The following TUT7 variants were observed in gnomAD, a reference collection of about 807,000 sequenced individuals.
The protein encoded by TUT7 is terminal uridylyltransferase 7.
Under a neutral mutation model 165.9 loss-of-function variants are expected in TUT7, and 33 were observed. The ratio of observed to expected loss-of-function variants is 0.20; its 90% confidence interval spans 0.15 to 0.27. The LOEUF (loss-of-function observed/expected upper bound fraction) is 0.27, where lower values mean the gene tolerates loss of function less well. TUT7 is among the 10% of genes least tolerant of loss of function. The pLI is 1.00. For synonymous variants in TUT7, 552 were observed against 608.1 expected (o/e 0.91, Z 1.36); for missense variants, 1,338 against 1,762.3 (o/e 0.76, Z 4.31).
chr9:86,329,536 A>T (rs1480972981), intron 10 of TUT7, among the ~76,000 whole-genome samples: 1 of 148,092 alleles, frequency 6.8e-6, no homozygotes, highest in African/African-American at 2.5e-5. Flanking sequence ...AAAAAAAAAA[A>T]CAAAACAAAA....
rs1489859325 is a variant in TUT7 at position 86,325,817 on chromosome 9, G to A, written c.1609-303C>T. Among the ~76,000 whole-genome samples the A allele has an allele frequency of 2.0e-5, 3 of 152,320 alleles. No homozygotes were observed. In the East Asian group the frequency reaches 5.8e-4, roughly 29 times the overall value. On this transcript the variant is annotated intron_variant, in intron 11 of 26. Transcript: ENST00000375963. ...TTGAACTGTTAATAACAGGTGGAGAGGACTGTGCATGGGTTGCTAATATTC... is the reference window on the plus strand; with the variant it reads ...TTGAACTGTTAATAACAGGTGGAGAAGACTGTGCATGGGTTGCTAATATTC...
At chr9:86,337,666 T>C (rs576937686) in intron 9 of TUT7, 128 bp from the exon 10 acceptor site, 1 of 1,150,364 alleles carries the variant, frequency 8.7e-7, no homozygotes, top group African/African-American at 1.6e-5. Context: ...CAGCTGAAAA[T>C]AGCAGTTACA....
intron 10 of TUT7, among the ~76,000 whole-genome samples, chr9:86,335,080 C>T (rs1830650715): frequency 1.3e-5 from 2 of 152,186 alleles, no homozygotes; most frequent in South Asian, 4.1e-4. Context: ...TGGAACTTGA[C>T]TTTCTACTGA....
In TUT7 at chr9:86,291,905, T is replaced by C. The variant is rs577061455; in HGVS notation, c.4421-3161A>G. On this transcript the variant is annotated intron_variant, in intron 26 of 26. Transcript: ENST00000375963. The stretch of plus-strand genomic sequence containing the variant: ...GGGACTTCCACAAGGATGTTCACTA[T>C]AGCACTGTTAATAACAGCAGAATAT... Among the ~76,000 whole-genome samples, 240 of 152,298 alleles carry C rather than the reference T, an allele frequency of 1.6e-3. 1 individual carries two copies. The highest frequency in any genetic ancestry group is 5.4e-3 in the African/African-American group (226 of 41,558).
intron 2 of TUT7, among the ~76,000 whole-genome samples, chr9:86,352,256 T>A (rs1473767759): frequency 6.7e-6 from 1 of 148,828 alleles, no homozygotes; most frequent in African/African-American, 2.5e-5. Flanking sequence ...AACAAATAAG[T>A]TTTTTTTTTA....
At chr9:86,325,244 C>A in intron 12 of TUT7, 90 bp downstream of exon 12, 1 of 1,284,326 alleles carries the variant, frequency 7.8e-7, no homozygotes. Context: ...CTTGTAGGAG[C>A]TGAAAAGAGA....
chr9:86,346,027 C>T (rs983146610), intron 3 of TUT7, among the ~76,000 whole-genome samples: 2 of 152,178 alleles, frequency 1.3e-5, no homozygotes, highest in Non-Finnish European at 2.9e-5. Flanking sequence ...ACTGGGGCTA[C>T]AGGCATGCCA....
intron 20 of TUT7, 84 bp downstream of exon 20, chr9:86,309,379 C>T: frequency 2.8e-6 from 4 of 1,447,402 alleles, no homozygotes; most frequent in Non-Finnish European, 9.5e-7. Context: ...AAATTAACTA[C>T]AGAACCACAG....
At chr9:86,309,184 G>A (rs1170655402) in intron 21 of TUT7, 28 bp downstream of exon 21, 1 of 1,435,840 alleles carries the variant, frequency 7.0e-7, no homozygotes, top group East Asian at 2.3e-5. Context: ...CAAGGATATA[G>A]GAAAATCTTT....
At chr9:86,308,082 A>G (rs1433847869) in intron 22 of TUT7, among the ~76,000 whole-genome samples, 2 of 152,222 alleles carry the variant, frequency 1.3e-5, no homozygotes, top group African/African-American at 4.8e-5. Context: ...GGTGAACTCC[A>G]TCAATAGCGA....
At chr9:86,318,652 T>A (rs890714270) in intron 16 of TUT7, among the ~76,000 whole-genome samples, 1 of 152,220 alleles carries the variant, frequency 6.6e-6, no homozygotes, top group Non-Finnish European at 1.5e-5. Flanking sequence ...TATGTGAGTG[T>A]GTGATCCAAG....
chr9:86,322,081 T>G (rs1219003576), intron 14 of TUT7, among the ~76,000 whole-genome samples: 1 of 151,850 alleles, frequency 6.6e-6, no homozygotes, highest in African/African-American at 2.4e-5. Context: ...GTCTCAAAAT[T>G]TAAAAAAAAA....
At chr9:86,304,415 T>C (rs145588282) in intron 24 of TUT7, among the ~76,000 whole-genome samples, 5 of 152,194 alleles carry the variant, frequency 3.3e-5, no homozygotes, top group Admixed American at 6.5e-5. Flanking sequence ...TGAGAAGAGA[T>C]AGCTGTCTGC....
intron 25 of TUT7, 117 bp downstream of exon 25, chr9:86,302,969 T>C (rs765946532): frequency 1.8e-6 from 1 of 544,918 alleles, no homozygotes; most frequent in Non-Finnish European, 3.3e-6. Flanking sequence ...CTTAAATGTA[T>C]CTGAAAACTG....
chr9:86,327,745 G>T (rs1460039430), intron 11 of TUT7, among the ~76,000 whole-genome samples: 2 of 152,162 alleles, frequency 1.3e-5, no homozygotes, highest in Non-Finnish European at 2.9e-5. Flanking sequence ...GGAGTGACAT[G>T]ACTTGTTTGT....
chr9:86,309,196 C>T lies in TUT7; in HGVS notation c.3660+16G>A, dbSNP rs750614016. ...AGTCAAGGATATAGGAAAATCTTTACTCTTAAAATACGTACCAGTTCATCT... is the reference window on the plus strand; with the variant it reads ...AGTCAAGGATATAGGAAAATCTTTATTCTTAAAATACGTACCAGTTCATCT... On this transcript the variant is annotated intron_variant, in intron 21 of 26. Coordinates refer to ENST00000375963, the MANE Select transcript of TUT7 (RefSeq NM_024617.4). 2 of 1,500,648 alleles carry T rather than the reference C, an allele frequency of 1.3e-6. No individual in the cohort carries two copies. The highest frequency in any genetic ancestry group is 1.8e-6 in the Non-Finnish European group (2 of 1,085,600). 93.0% of individuals were successfully genotyped at this position (1,500,648 alleles called of 1,614,324 possible).
intron 17 of TUT7, among the ~76,000 whole-genome samples, chr9:86,314,521 C>A (rs1334846830): frequency 2.0e-5 from 3 of 152,172 alleles, no homozygotes; most frequent in African/African-American, 7.2e-5. Context: ...GTGTTCTCTG[C>A]AAACATTCCT....
At chr9:86,340,196 T>C in intron 7 of TUT7, 91 bp from the exon 8 acceptor site, 2 of 1,067,682 alleles carry the variant, frequency 1.9e-6, no homozygotes, top group South Asian at 1.3e-5. Context: ...AGTTGTCCCT[T>C]AGCTGTTGAG....
chr9:86,334,428 G>A (rs1043151781), intron 10 of TUT7, among the ~76,000 whole-genome samples: 1 of 152,070 alleles, frequency 6.6e-6, no homozygotes, highest in Non-Finnish European at 1.5e-5. Flanking sequence ...TGAGCCTTCG[G>A]AAATTTGTCA....
Sources: allele counts gnomAD v4.1 joint callset (sites outside exome capture counted in the v4.1 genomes callset), GRCh38; gene constraint gnomAD v4.1.1; transcripts MANE v1.5; gene names NCBI Gene and HGNC (gene_info 2026-07-23, HGNC 2026-07-21).